Variants in SPATS2L observed in about 807,000 individuals in gnomAD.
SPATS2L encodes SPATS2-like protein.
SPATS2L carries 30 observed loss-of-function variants against 59.6 expected under a neutral mutation model. That is an observed-to-expected ratio of 0.50 (90% CI 0.38 to 0.68). SPATS2L has a LOEUF of 0.68. SPATS2L is among the 30% of genes least tolerant of loss of function. The pLI is 0.00. For missense variants in SPATS2L, 615 were observed against 700.0 expected, an observed-to-expected ratio of 0.88 and a Z score of 1.37; for synonymous variants, 252 against 263.5, an observed-to-expected ratio of 0.96 and a Z score of 0.42.
At chr2:200,355,650 T>G (rs930195291) in intron 2 of SPATS2L, among the ~76,000 whole-genome samples, 3 of 152,258 alleles carry the variant, frequency 2.0e-5, no homozygotes, top group African/African-American at 7.2e-5. Context: ...GACTAGAAGT[T>G]CTGAATTGAG....
intron 2 of SPATS2L, chr2:200,383,954 T>C (rs1225927567): frequency 3.0e-6 from 3 of 1,002,290 alleles, no homozygotes; most frequent in African/African-American, 1.7e-5. Flanking sequence ...GAAACTTTAT[T>C]ACTGCCTACA....
Position 200,416,376 on chromosome 2 carries a change from T to C in SPATS2L, c.149-3T>C, listed in dbSNP as rs1313246466. 1.4e-6 allele frequency: 2 copies of C among 1,460,552 alleles called. No homozygotes were observed. Among genetic ancestry groups the C allele is most frequent in the South Asian group, 1.5e-5 (1 of 68,242 alleles). 90.5% of individuals were successfully genotyped at this position (1,460,552 alleles called of 1,614,324 possible). ...TTGTTGAAGATTCTTTGTCTTTATCTAGGCAGTGCAATTCAAGTTCTAAAA... is the reference window on the plus strand; with the variant it reads ...TTGTTGAAGATTCTTTGTCTTTATCCAGGCAGTGCAATTCAAGTTCTAAAA... On this transcript the variant is annotated splice_polypyrimidine_tract_variant and splice_region_variant and intron_variant, in intron 4 of 12. Transcript: ENST00000409140.
intron 1 of SPATS2L, among the ~76,000 whole-genome samples, chr2:200,310,858 T>C (rs1332731715): frequency 6.6e-6 from 1 of 152,256 alleles, no homozygotes; most frequent in African/African-American, 2.4e-5. Flanking sequence ...TTCTCTGACC[T>C]AACCACATTC....
At chr2:200,439,833 C>G (rs1389942860) in intron 7 of SPATS2L, among the ~76,000 whole-genome samples, 3 of 152,132 alleles carry the variant, frequency 2.0e-5, no homozygotes, top group Non-Finnish European at 2.9e-5. Context: ...ATATTTGACA[C>G]GCTGGATTTT....
intron 8 of SPATS2L, among the ~76,000 whole-genome samples, chr2:200,452,812 AG>A (rs1339740926): frequency 6.6e-6 from 1 of 152,182 alleles, no homozygotes; most frequent in African/African-American, 2.4e-5. Flanking sequence ...ACATGTATGC[AG>A]GGTTTTATAT....
intron 11 of SPATS2L, among the ~76,000 whole-genome samples, chr2:200,471,136 A>C (rs1280216188): frequency 6.6e-6 from 1 of 152,134 alleles, no homozygotes; most frequent in Middle Eastern, 3.2e-3. Flanking sequence ...ACTGCACTCC[A>C]GCCTGGGCGA....
chr2:200,472,636 G>C (rs2241805), intron 11 of SPATS2L, among the ~76,000 whole-genome samples, 196 bp from the exon 12 acceptor site: 11,540 of 152,244 alleles, frequency 0.076, 715 homozygotes, highest in Admixed American at 0.14. Context: ...ACAGTTCAGT[G>C]ATTCCCACAA....
intron 8 of SPATS2L, among the ~76,000 whole-genome samples, chr2:200,451,638 C>T (rs1574614912): frequency 6.6e-6 from 1 of 152,128 alleles, no homozygotes; most frequent in Non-Finnish European, 1.5e-5. Context: ...CCCCTTTTCA[C>T]ATGAGAGCCT....
At chr2:200,307,502 G>A (rs925281181) in intron 1 of SPATS2L, among the ~76,000 whole-genome samples, 1 of 152,038 alleles carries the variant, frequency 6.6e-6, no homozygotes, top group African/African-American at 2.4e-5. Context: ...CTGCGCGGGT[G>A]GGCTGGGGTG....
At chr2:200,427,051 CA>C (rs2083622557) in intron 6 of SPATS2L, among the ~76,000 whole-genome samples, 1 of 151,958 alleles carries the variant, frequency 6.6e-6, no homozygotes, top group African/African-American at 2.4e-5. Flanking sequence ...AACTGTACAG[CA>C]AAAACACAAA....
At chr2:200,314,649 C>T (rs2105753945) in intron 1 of SPATS2L, among the ~76,000 whole-genome samples, 1 of 152,260 alleles carries the variant, frequency 6.6e-6, no homozygotes, top group East Asian at 1.9e-4. Context: ...TCCCCACTGT[C>T]TGCCCCTGCC....
At chr2:200,331,885 G>A (rs374502961) in intron 2 of SPATS2L, among the ~76,000 whole-genome samples, 5 of 152,114 alleles carry the variant, frequency 3.3e-5, no homozygotes, top group Non-Finnish European at 7.4e-5. Flanking sequence ...CCATTTCTAC[G>A]GTCCACTTGG....
At chr2:200,361,557 G>A (rs2081108358) in intron 2 of SPATS2L, among the ~76,000 whole-genome samples, 2 of 152,142 alleles carry the variant, frequency 1.3e-5, no homozygotes, top group Admixed American at 1.3e-4. Flanking sequence ...AATCGTTAAG[G>A]CTTTCTTGCT....
chr2:200,343,818 A>G (rs1191547600), intron 2 of SPATS2L, among the ~76,000 whole-genome samples: 1 of 152,168 alleles, frequency 6.6e-6, no homozygotes, highest in African/African-American at 2.4e-5. Flanking sequence ...ATTGTTAGGT[A>G]ATAAAATGTT....
At chr2:200,334,785 C>T (rs1377262455) in intron 2 of SPATS2L, among the ~76,000 whole-genome samples, 2 of 152,220 alleles carry the variant, frequency 1.3e-5, no homozygotes, top group East Asian at 3.9e-4. Flanking sequence ...TTCCCCATTT[C>T]TTGTTTTTGT....
rs1008372416 is a variant in SPATS2L at position 200,481,601 on chromosome 2, G to A, written c.*3570G>A. ...CTGCCTGCTTAAAGCGCCCTCATGT[G>A]TCTACAGATGGTAAAACGTTTATTT... On this transcript the variant is annotated 3_prime_UTR_variant, in exon 13 of 13. Transcript: ENST00000409140. The A allele has an allele frequency of 1.3e-5, 2 of 152,244 alleles. No individual in the cohort carries two copies. Among genetic ancestry groups the A allele is most frequent in the African/African-American group, 2.4e-5 (1 of 41,462 alleles). The allele number at this position is 152,244 out of a possible 1,614,324, so 9.4% of individuals were successfully genotyped here.
intron 6 of SPATS2L, among the ~76,000 whole-genome samples, chr2:200,421,689 A>G (rs1399687053): frequency 6.6e-6 from 1 of 152,176 alleles, no homozygotes; most frequent in East Asian, 1.9e-4. Context: ...AAAATAACCT[A>G]TTTCATTTTG....
At chr2:200,396,182 A>G (rs112036055) in intron 3 of SPATS2L, among the ~76,000 whole-genome samples, 37 of 151,314 alleles carry the variant, frequency 2.4e-4, no homozygotes, top group African/African-American at 8.7e-4. Context: ...CCTACAAAAA[A>G]TAAGTGAGAC....
At chr2:200,329,586 C>A in intron 2 of SPATS2L, 106 bp downstream of exon 2, 1 of 958,006 alleles carries the variant, frequency 1.0e-6, no homozygotes, top group Non-Finnish European at 1.6e-6. Context: ...AGCCTTTGGC[C>A]GCCTCTGCTG....
Sources: allele counts gnomAD v4.1 joint callset (sites outside exome capture counted in the v4.1 genomes callset), GRCh38; gene constraint gnomAD v4.1.1; transcripts MANE v1.5; gene names NCBI Gene and HGNC (gene_info 2026-07-23, HGNC 2026-07-21).